The following SH3TC1 variants were observed in gnomAD, a reference collection of about 807,000 sequenced individuals.
The protein encoded by SH3TC1 is SH3 domain and tetratricopeptide repeat-containing protein 1.
A neutral mutation model predicts 117.3 loss-of-function variants in SH3TC1; 135 were observed. That is an observed-to-expected ratio of 1.15 (90% CI 1.00 to 1.33). SH3TC1 has a LOEUF of 1.33. SH3TC1 is among the 40% of genes most tolerant of loss of function. The pLI is 0.00. For synonymous variants in SH3TC1, 898 were observed against 816.9 expected (o/e 1.10, Z -1.69); for missense variants, 2,092 against 1,794.3 (o/e 1.17, Z -3.00).
Position 8,225,019 on chromosome 4 carries a change from C to G in SH3TC1, c.1244-156C>G. 1 of 887,570 alleles carries G rather than the reference C, an allele frequency of 1.1e-6. No homozygotes were observed. Among genetic ancestry groups the G allele is most frequent in the Non-Finnish European group, 1.8e-6 (1 of 569,390 alleles). 55.0% of individuals were successfully genotyped at this position (887,570 alleles called of 1,614,324 possible). A position where few individuals can be genotyped will look rare whatever the true frequency, so the allele number is the denominator to read the frequency against. On this transcript the variant is annotated intron_variant, in intron 10 of 17. Coordinates refer to ENST00000245105, the MANE Select transcript of SH3TC1 (RefSeq NM_018986.5). The surrounding 1 kb of genome is among the most constrained non-coding windows in gnomAD (Gnocchi z 5.5). ...CCTGCAACACCTGCACCCTGCAACA[C>G]TCCAGCCCGCAACACCAGCACCCTG...
chr4:8,199,958 G>A (rs1293274228), intron 1 of SH3TC1, among the ~76,000 whole-genome samples: 1 of 152,224 alleles, frequency 6.6e-6, no homozygotes, highest in Non-Finnish European at 1.5e-5. Flanking sequence ...AAAATTCCAG[G>A]GAGGGTCTGG....
In SH3TC1 at chr4:8,188,286, C is replaced by G. The variant is rs142374466; in HGVS notation, c.-57+6076C>G. 3.7e-3 allele frequency among the ~76,000 whole-genome samples: 565 copies of G among 152,304 alleles called. 2 individuals are homozygous for G. The highest frequency in any genetic ancestry group is 5.1e-3 in the Non-Finnish European group (344 of 68,032). ...TCCACCATGAGGCCGAGTCTGGGCT[C>G]TCTAGAGGGCAGTAGGCATCTGACT... is the stretch of plus-strand genomic sequence containing the variant. On this transcript the variant is annotated intron_variant, in intron 1 of 16. Coordinates refer to the SH3TC1 transcript ENST00000508641.
chr4:8,215,878 C>T (rs1456011850), intron 5 of SH3TC1, among the ~76,000 whole-genome samples: 6 of 152,346 alleles, frequency 3.9e-5, no homozygotes, highest in South Asian at 2.1e-4. Flanking sequence ...AACTTGACCA[C>T]GGTTGCCGCT....
chr4:8,237,362 AG>A (rs765586104), intron 16 of SH3TC1, 111 bp from the exon 17 acceptor site: 252 of 896,930 alleles, frequency 2.8e-4, no homozygotes, highest in Non-Finnish European at 3.9e-4. Flanking sequence ...GGGACTGGCC[AG>A]AACTGCCCAG....
rs1353086146 is a variant in SH3TC1 at position 8,192,147 on chromosome 4, A to G, written c.-57+9937A>G. The stretch of plus-strand genomic sequence containing the variant: ...TAAGATTACAGGCACCTGCCACCAC[A>G]CTCAGCTAATTTTTGTATTTTTTTT... On this transcript the variant is annotated intron_variant, in intron 1 of 16. Transcript: ENST00000508641. The surrounding 1 kb of genome is among the most constrained non-coding windows in gnomAD (Gnocchi z 4.1). Among the ~76,000 whole-genome samples, 2 of 150,618 alleles carry G rather than the reference A, an allele frequency of 1.3e-5. No individual in the cohort carries two copies. The highest frequency in any genetic ancestry group is 3.0e-5 in the Non-Finnish European group (2 of 67,724).
At chr4:8,191,540 A>T (rs73798645) in intron 1 of SH3TC1, among the ~76,000 whole-genome samples, 15,680 of 152,196 alleles carry the variant, frequency 0.1, 982 homozygotes, top group Non-Finnish European at 0.13. Context: ...GAAATAACAC[A>T]TGGTGTGAGC....
rs768196504 is a variant in SH3TC1 at position 8,240,679 on chromosome 4, C to G, written c.3754-19C>G. ...GGCTCCGAGTCCCCCTTTTGCTGAGCATGGCCTGTCCCCTTCAGGACCCGT... is the reference window on the plus strand; with the variant it reads ...GGCTCCGAGTCCCCCTTTTGCTGAGGATGGCCTGTCCCCTTCAGGACCCGT... On this transcript the variant is annotated intron_variant, in intron 17 of 17. Coordinates refer to ENST00000245105, the MANE Select transcript of SH3TC1 (RefSeq NM_018986.5). 1.9e-6 allele frequency: 3 copies of G among 1,613,564 alleles called. No homozygotes were observed. The highest frequency in any genetic ancestry group is 1.7e-6 in the Non-Finnish European group (2 of 1,179,848).
At position 8,225,458 on chromosome 4, in the gene SH3TC1, C is replaced by T. The variant is rs1561704409; in HGVS notation, c.1285+242C>T. Among the ~76,000 whole-genome samples, 1 of 152,144 alleles carries T rather than the reference C, an allele frequency of 6.6e-6. No individual in the cohort carries two copies. The highest frequency in any genetic ancestry group is 2.4e-5 in the African/African-American group (1 of 41,426). On this transcript the variant is annotated intron_variant, in intron 11 of 17. Coordinates refer to ENST00000245105, the MANE Select transcript of SH3TC1 (RefSeq NM_018986.5). The surrounding 1 kb of genome is among the most constrained non-coding windows in gnomAD (Gnocchi z 5.5). ...AACATGCTGGCCCCCGCCTGGTCCC[C>T]GCCCAAGATGGAGCATCCTTTCCAC...
intron 16 of SH3TC1, chr4:8,237,044 G>A (rs879464582): frequency 2.4e-5 from 4 of 169,938 alleles, no homozygotes; most frequent in Admixed American, 6.4e-5. Flanking sequence ...GTGGGCTCGC[G>A]CATCTGTGGG....
In SH3TC1 at chr4:8,190,771, G is replaced by C. The variant is rs1717393917; in HGVS notation, c.-57+8561G>C. ...TGCTCCCACCTCAGCCTCCCGAGCA[G>C]CTGGGACTACAGGCACGCACCACCA... On this transcript the variant is annotated intron_variant, in intron 1 of 16. Coordinates refer to the SH3TC1 transcript ENST00000508641. The surrounding 1 kb of genome is among the most constrained non-coding windows in gnomAD (Gnocchi z 4.7). Among the ~76,000 whole-genome samples, 1 of 152,142 alleles carries C rather than the reference G, an allele frequency of 6.6e-6. No homozygotes were observed. Among genetic ancestry groups the C allele is most frequent in the Non-Finnish European group, 1.5e-5 (1 of 68,026 alleles).
At chr4:8,218,899 G>T (rs981236811) in intron 8 of SH3TC1, among the ~76,000 whole-genome samples, 2 of 152,134 alleles carry the variant, frequency 1.3e-5, no homozygotes, top group Admixed American at 6.5e-5. Flanking sequence ...TGGATGGCCT[G>T]TGCACCTGTC....
rs1718171445 is a variant in SH3TC1 at position 8,205,952 on chromosome 4, A to C, written c.172+586A>C. ...CAAGGCCTGCACGGCCCCTCCCGGC[A>C]GGAGACAGCTGCGGTTGTGACCCGT... On this transcript the variant is annotated intron_variant, in intron 2 of 17. Coordinates refer to ENST00000245105, the MANE Select transcript of SH3TC1 (RefSeq NM_018986.5). This position sits in a 1 kb window ranked among gnomAD's most constrained non-coding sequence, Gnocchi z 5.4. The C allele has an allele frequency of 4.4e-6, 2 of 449,618 alleles. No homozygotes were observed. Among genetic ancestry groups the C allele is most frequent in the Non-Finnish European group, 8.0e-6 (2 of 250,388 alleles). The allele number at this position is 449,618 out of a possible 1,614,324, so 27.9% of individuals were successfully genotyped here.
At chr4:8,235,082 G>A (rs187125442) in intron 14 of SH3TC1, among the ~76,000 whole-genome samples, 137 of 152,374 alleles carry the variant, frequency 9.0e-4, no homozygotes, top group Middle Eastern at 3.4e-3. Flanking sequence ...CTGAGCTGTG[G>A]CAGGGATGTG....
intron 3 of SH3TC1, among the ~76,000 whole-genome samples, chr4:8,212,023 G>A (rs917159265): frequency 3.3e-5 from 5 of 152,174 alleles, no homozygotes; most frequent in East Asian, 1.9e-4. Context: ...TCAGAACCAC[G>A]ATGGGGGCAG....
rs1424823112 is a variant in SH3TC1 at position 8,221,708 on chromosome 4, A to G, written c.1113-1132A>G. On this transcript the variant is annotated intron_variant, in intron 9 of 17. Transcript: ENST00000245105. Reference sequence around the variant, plus strand: ...GGACATCTGCTTACATAACTACAGTACAACTGTCGAAATCAGGAAATGAAC... The same window carrying G: ...GGACATCTGCTTACATAACTACAGTGCAACTGTCGAAATCAGGAAATGAAC... Among the ~76,000 whole-genome samples, 4 of 152,228 alleles carry G rather than the reference A, an allele frequency of 2.6e-5. No individual in the cohort carries two copies. In the East Asian group the frequency reaches 7.7e-4, roughly 29 times the overall value.
intron 17 of SH3TC1, among the ~76,000 whole-genome samples, chr4:8,239,221 A>AATGCAC (rs781177995): frequency 2.7e-5 from 4 of 148,842 alleles, no homozygotes; most frequent in Non-Finnish European, 4.4e-5. Flanking sequence ...GGCACATGCA[A>AATGCAC]ATGCACATGC....
Position 8,209,493 on chromosome 4 carries a change from G to A in SH3TC1, c.173-255G>A, listed in dbSNP as rs553595782. Among the ~76,000 whole-genome samples the A allele has an allele frequency of 1.3e-5, 2 of 152,206 alleles. No individual in the cohort carries two copies. Among genetic ancestry groups the A allele is most frequent in the Non-Finnish European group, 2.9e-5 (2 of 68,034 alleles). On this transcript the variant is annotated intron_variant, in intron 2 of 17. Transcript: ENST00000245105. This position sits in a 1 kb window ranked among gnomAD's most constrained non-coding sequence, Gnocchi z 5.9. The stretch of plus-strand genomic sequence containing the variant: ...GTGAGGCCCATTGGAACTTGAGAGC[G>A]GCGGGATCATACGAGTCGTGTGGTC...
At position 8,228,551 on chromosome 4, in the gene SH3TC1, G is replaced by A. The variant is rs906350615; in HGVS notation, c.2857G>A (p.Gly953Ser). Reference sequence around the variant, plus strand: ...CTTCACCCACGTGCTCCTGCAGCTGGGCCATCTCTGCACCCGCCAGGGCCC... The same window carrying A: ...CTTCACCCACGTGCTCCTGCAGCTGAGCCATCTCTGCACCCGCCAGGGCCC... ...RDFTHVLLQL[G>S]HLCTRQGPAQ... The change falls in exon 12 of 18, where the codon GGC becomes AGC. Residue 953 changes from glycine to serine, a missense_variant. Physicochemically the swap from Gly to Ser is moderately conservative, Grantham distance 56. Transcript: ENST00000245105. 1 of 1,608,316 alleles carries A rather than the reference G, an allele frequency of 6.2e-7. No individual in the cohort carries two copies. Among genetic ancestry groups the A allele is most frequent in the Non-Finnish European group, 8.5e-7 (1 of 1,178,272 alleles).
rs1172019795 is a variant in SH3TC1 at position 8,232,569 on chromosome 4, A to C, written c.3131+413A>C. The C allele has an allele frequency of 2.2e-6, 3 of 1,358,992 alleles. No homozygotes were observed. The South Asian group carries it at 3.4e-5, about 15-fold the overall frequency. 84.2% of individuals were successfully genotyped at this position (1,358,992 alleles called of 1,614,324 possible). Reference sequence around the variant, plus strand: ...CAGCCACCTGTGGCTTCTCTCCCACAGAAGACAGAGCCAGTTGTGTCACCT... The same window carrying C: ...CAGCCACCTGTGGCTTCTCTCCCACCGAAGACAGAGCCAGTTGTGTCACCT... On this transcript the variant is annotated intron_variant, in intron 13 of 17. Coordinates refer to ENST00000245105, the MANE Select transcript of SH3TC1 (RefSeq NM_018986.5).
Sources: allele counts gnomAD v4.1 joint callset (sites outside exome capture counted in the v4.1 genomes callset), GRCh38; gene constraint gnomAD v4.1.1; non-coding constraint Gnocchi (gnomAD v3.1); transcripts MANE v1.5; gene names NCBI Gene and HGNC (gene_info 2026-07-23, HGNC 2026-07-21).